PGK1: variants seen among roughly 807,000 people sequenced by gnomAD.
PGK1 encodes PRP 2.
PGK1 carries 3 observed loss-of-function variants against 26.9 expected under a neutral mutation model. That is an observed-to-expected ratio of 0.11 (90% confidence interval 0.05 to 0.29). PGK1 has a LOEUF of 0.29. Ranked by LOEUF, PGK1 falls within the 10% of genes least tolerant of loss-of-function variation. PGK1 has a pLI of 1.00. For synonymous variants in PGK1, 125 were observed against 115.3 expected (o/e 1.08, Z -0.54); for missense variants, 270 against 314.7 (o/e 0.86, Z 1.07).
In PGK1 at chrX:78,118,701, C is replaced by T. The variant is rs782129209; in HGVS notation, c.641+531C>T. Among the ~76,000 whole-genome samples the T allele has an allele frequency of 6.3e-4, 70 of 111,784 alleles. 1 individual carries two copies. The highest frequency in any genetic ancestry group is 2.6e-3 in the Admixed American group (27 of 10,541). On this transcript the variant is annotated intron_variant, in intron 6 of 10. Transcript: ENST00000373316. ...ATTTGGGGCTACCAACAGGCATCAC[C>T]ATTTCTATGCCTGAAGGGACAAAGG...
chrX:78,125,337 C>T lies in PGK1; in HGVS notation c.1125C>T (p.Asp375=). Residue 375 remains aspartate, a synonymous_variant, in exon 10 of 11, where the codon GAC becomes GAT. Coordinates refer to ENST00000373316, the MANE Select transcript of PGK1 (RefSeq NM_000291.4). ...GCTTTCATTCAACAGGTGGTGGAGA[C>T]ACTGCCACTTGCTGTGCCAAATGGA... The part of the protein sequence containing the change: ...RGCITIIGGG[D]TATCCAKWNT... 8.4e-7 allele frequency: 1 copy of T among 1,196,540 alleles called. No homozygotes were observed. The highest frequency in any genetic ancestry group is 1.8e-5 in the South Asian group (1 of 56,620).
chrX:78,123,510 C>T (rs1385374324), intron 8 of PGK1, 136 bp downstream of exon 8: 17 of 528,152 alleles, frequency 3.2e-5, no homozygotes, highest in Non-Finnish European at 5.7e-5. Context: ...CTGCATGTTG[C>T]AGTGAGTCCC....
At chrX:78,106,172 G>A (rs2268538) in intron 1 of PGK1, among the ~76,000 whole-genome samples, 51,595 of 110,456 alleles carry the variant, frequency 0.47, 11,274 homozygotes, top group African/African-American at 0.87. Flanking sequence ...TTTAGCACAC[G>A]CTAACCCAAA....
chrX:78,118,858 C>G (rs996359568), intron 6 of PGK1, among the ~76,000 whole-genome samples: 1 of 111,276 alleles, frequency 9.0e-6, no homozygotes, highest in Admixed American at 9.5e-5. Context: ...ATATTCTGAT[C>G]TCCTTTCAGT....
chrX:78,113,617 T>A, intron 2 of PGK1, 127 bp from the exon 3 acceptor site: 1 of 598,021 alleles, frequency 1.7e-6, no homozygotes, highest in Non-Finnish European at 2.8e-6. Flanking sequence ...ATTGAATTAC[T>A]GATAGTAGAT....
At chrX:78,117,274 G>T (rs782500340) in intron 4 of PGK1, 38 bp from the exon 5 acceptor site, 2 of 910,443 alleles carry the variant, frequency 2.2e-6, no homozygotes, top group Non-Finnish European at 3.2e-6. Flanking sequence ...AGTTGTCTTT[G>T]GAGCCATCAC....
At chrX:78,113,956 G>A in intron 3 of PGK1, 57 bp downstream of exon 3, 1 of 1,203,030 alleles carries the variant, frequency 8.3e-7, no homozygotes, top group African/African-American at 1.7e-5. Context: ...TGTCAAGCAC[G>A]TTGTTACTGG....
intron 1 of PGK1, among the ~76,000 whole-genome samples, chrX:78,106,200 T>C (rs1157697156): frequency 8.9e-6 from 1 of 111,830 alleles, no homozygotes; most frequent in African/African-American, 3.3e-5. Context: ...AATGATTGGC[T>C]AGTCCTGTTT....
intron 6 of PGK1, among the ~76,000 whole-genome samples, chrX:78,120,920 A>C (rs999992378): frequency 3.6e-5 from 4 of 112,234 alleles, no homozygotes; most frequent in Non-Finnish European, 7.5e-5. Context: ...GGATTTTGGA[A>C]TATTTGCATG....
chrX:78,122,735 T>G (rs2078362378), intron 6 of PGK1, 100 bp from the exon 7 acceptor site: 4 of 554,450 alleles, frequency 7.2e-6, no homozygotes, highest in African/African-American at 2.2e-5. Context: ...CTTTGAGACT[T>G]TCTCTGTTCC....
In PGK1 at chrX:78,124,903, G is replaced by A; in HGVS notation, c.966G>A (p.Lys322=). 1 of 1,208,858 alleles carries A rather than the reference G, an allele frequency of 8.3e-7. No individual in the cohort carries two copies. Among genetic ancestry groups the A allele is most frequent in the Non-Finnish European group, 1.1e-6 (1 of 894,107 alleles). ...TGGACTGTGGTCCTGAAAGCAGCAA[G>A]AAGTATGCTGAGGCTGTCACTCGGG... is the stretch of plus-strand genomic sequence containing the variant. ...MGLDCGPESS[K]KYAEAVTRAK... is the part of the protein sequence containing the mutation. The change falls in exon 9 of 11, where the codon AAG becomes AAA. Residue 322 remains lysine (K), a synonymous_variant. Transcript: ENST00000373316.
At chrX:78,114,233 G>A (rs1762954132) in intron 4 of PGK1, 73 bp downstream of exon 4, 1 of 1,023,030 alleles carries the variant, frequency 9.8e-7, no homozygotes, top group African/African-American at 1.9e-5. Context: ...GAAGAATAGA[G>A]AAAGCTCATT....
chrX:78,114,851 A>G (rs1477354772), intron 4 of PGK1, among the ~76,000 whole-genome samples: 1 of 112,758 alleles, frequency 8.9e-6, no homozygotes, highest in African/African-American at 3.2e-5. Context: ...CCAGAATTCA[A>G]ATATTCAATG....
At chrX:78,107,722 T>TA (rs1349061546) in intron 1 of PGK1, among the ~76,000 whole-genome samples, 11 of 111,602 alleles carry the variant, frequency 9.9e-5, no homozygotes, top group African/African-American at 3.3e-4. Flanking sequence ...GGTATGGACA[T>TA]ACGCTGTCAT....
intron 4 of PGK1, among the ~76,000 whole-genome samples, chrX:78,114,923 G>T (rs2078319625): frequency 8.9e-6 from 1 of 112,128 alleles, no homozygotes; most frequent in African/African-American, 3.2e-5. Flanking sequence ...GAAGCTGAAG[G>T]CATTTTTTAG....
At chrX:78,104,552 C>T (rs1166272334) in intron 1 of PGK1, 147 bp downstream of exon 1, 3 of 536,874 alleles carry the variant, frequency 5.6e-6, no homozygotes, top group Non-Finnish European at 9.6e-6. Context: ...AGGCTGCTCA[C>T]GGGTTTGGTG....
chrX:78,127,289 C>T lies in PGK1; in HGVS notation c.*1459C>T, dbSNP rs1404095803. 1.8e-5 allele frequency: 2 copies of T among 112,603 alleles called. No homozygotes were observed. The highest frequency in any genetic ancestry group is 6.4e-5 in the African/African-American group (2 of 31,022). 9.3% of individuals were successfully genotyped at this position (112,603 alleles called of 1,213,427 possible). A position where few individuals can be genotyped will look rare whatever the true frequency, so the allele number is the denominator to read the frequency against. On this transcript the variant is annotated 3_prime_UTR_variant, in exon 11 of 11. Coordinates refer to ENST00000373316, the MANE Select transcript of PGK1 (RefSeq NM_000291.4). ...ATATAGAATTTTAGCCTGAGTATCA[C>T]TTTTTGAGACTCGAAGCCACTGTTT... is the stretch of plus-strand genomic sequence containing the variant.
intron 1 of PGK1, among the ~76,000 whole-genome samples, chrX:78,105,058 AC>A (rs2078264448): frequency 1.8e-5 from 2 of 112,195 alleles, no homozygotes; most frequent in South Asian, 7.2e-4. Flanking sequence ...CAGGATTGTG[AC>A]ATACTAGGTA....
At chrX:78,125,192 G>A (rs1557248539) in intron 9 of PGK1, 135 bp from the exon 10 acceptor site, 19 of 722,088 alleles carry the variant, frequency 2.6e-5, no homozygotes, top group Non-Finnish European at 3.7e-5. Context: ...TTACAGAGGA[G>A]CCTCTTGGTA....
Sources: gnomAD v4.1 joint callset for allele counts (sites outside exome capture counted in the v4.1 genomes callset) on GRCh38, gnomAD v4.1.1 for gene constraint, MANE v1.5 for transcripts, NCBI Gene and HGNC (gene_info 2026-07-23, HGNC 2026-07-21) for gene names.